Variants in POC1B observed in about 807,000 individuals in gnomAD.
The protein encoded by POC1B is POC1 centriolar protein B.
POC1B carries 44 observed loss-of-function variants against 60.6 expected under a neutral mutation model. The ratio of observed to expected loss-of-function variants is 0.73; its 90% CI spans 0.57 to 0.93. The LOEUF (loss-of-function observed/expected upper bound fraction) is 0.93, where lower values mean the gene tolerates loss of function less well. POC1B is among the 40% of genes least tolerant of loss of function. The pLI, the probability that POC1B is intolerant of heterozygous loss-of-function variation, is 0.00. For synonymous variants in POC1B, 180 were observed against 198.9 expected (o/e 0.90, Z 0.80); for missense variants, 555 against 572.3 (o/e 0.97, Z 0.31).
chr12:89,450,472 T>C (rs950590169), intron 10 of POC1B, among the ~76,000 whole-genome samples: 3 of 152,076 alleles, frequency 2.0e-5, no homozygotes, highest in African/African-American at 7.2e-5. Flanking sequence ...TCCCAAAGTG[T>C]TGGGATTACA....
chr12:89,522,696 C>T, intron 2 of POC1B: 1 of 1,359,096 alleles, frequency 7.4e-7, no homozygotes, highest in Non-Finnish European at 9.8e-7. Context: ...TCCAGTGCTC[C>T]ACAGATGACT....
At chr12:89,403,426 A>C in the POC1B span, among the ~76,000 whole-genome samples, 2 of 152,178 alleles carry the variant, frequency 1.3e-5, no homozygotes, top group Non-Finnish European at 2.9e-5. Context: ...CCCTCAAGGT[A>C]AACTGAGTTT....
intron 10 of POC1B, among the ~76,000 whole-genome samples, chr12:89,450,293 T>C (rs968266073): frequency 2.0e-5 from 3 of 151,994 alleles, no homozygotes; most frequent in African/African-American, 4.8e-5. Context: ...CTGCAACCTA[T>C]GCCTCTAGGG....
chr12:89,522,443 C>A (rs1028936677), intron 2 of POC1B: 2 of 360,480 alleles, frequency 5.5e-6, no homozygotes, highest in Non-Finnish European at 4.9e-6. Flanking sequence ...GTGGGATGTG[C>A]GGTGAACTTA....
intron 10 of POC1B, among the ~76,000 whole-genome samples, chr12:89,440,642 A>G (rs1247141902): frequency 6.6e-6 from 1 of 152,358 alleles, no homozygotes; most frequent in South Asian, 2.1e-4. Context: ...ATACAGAATT[A>G]GAGGAGAGTA....
chr12:89,412,586 G>T, the POC1B span, among the ~76,000 whole-genome samples: 1,374 of 151,048 alleles, frequency 9.1e-3, 31 homozygotes, highest in African/African-American at 0.032. Context: ...TGAGGCAGAA[G>T]AATCCGCTTG....
At chr12:89,486,742 G>A (rs938669506) in intron 4 of POC1B, among the ~76,000 whole-genome samples, 14 of 152,172 alleles carry the variant, frequency 9.2e-5, no homozygotes, top group Admixed American at 2.6e-4. Context: ...CAGCAGCTGC[G>A]TTGAGGATGG....
chr12:89,471,768 C>CA, intron 5 of POC1B, 39 bp from the exon 6 acceptor site: 1 of 819,866 alleles, frequency 1.2e-6, no homozygotes, highest in Non-Finnish European at 1.8e-6. Flanking sequence ...ATTTCAATTT[C>CA]TTTTTTTTTT....
In POC1B at chr12:89,425,399, G is replaced by A; in HGVS notation, c.1114-20C>T. 6.3e-7 allele frequency: 1 copy of A among 1,579,978 alleles called. No homozygotes were observed. The highest frequency in any genetic ancestry group is 1.2e-5 in the South Asian group (1 of 86,870). ...TGTTGTCTTTAATGTCACAGAAAAT[G>A]TAGGAAGAGTTATATTTTCCAAACT... is the stretch of plus-strand genomic sequence containing the variant. On this transcript the variant is annotated intron_variant, in intron 10 of 11. Transcript: ENST00000313546.
chr12:89,408,114 A>G, the POC1B span, among the ~76,000 whole-genome samples: 1 of 152,126 alleles, frequency 6.6e-6, no homozygotes, highest in Admixed American at 6.6e-5. Context: ...AGCTTCATCC[A>G]TGTCCCTCCA....
chr12:89,452,184 C>G (rs908143291), intron 10 of POC1B, among the ~76,000 whole-genome samples: 2 of 152,122 alleles, frequency 1.3e-5, no homozygotes, highest in African/African-American at 4.8e-5. Flanking sequence ...GCTGTGGGAA[C>G]TGGGGATGCA....
At chr12:89,412,079 G>T in the POC1B span, among the ~76,000 whole-genome samples, 3 of 152,206 alleles carry the variant, frequency 2.0e-5, no homozygotes, top group Non-Finnish European at 2.9e-5. Flanking sequence ...TTCCTCTGGG[G>T]ATTAAGCAGG....
chr12:89,469,617 C>CA (rs1163849161), intron 7 of POC1B, among the ~76,000 whole-genome samples: 2 of 152,108 alleles, frequency 1.3e-5, no homozygotes, highest in Non-Finnish European at 2.9e-5. Flanking sequence ...TGTGCTTACC[C>CA]AATTTCTCCT....
intron 10 of POC1B, among the ~76,000 whole-genome samples, chr12:89,441,964 G>A (rs1439348585): frequency 1.3e-5 from 2 of 152,190 alleles, no homozygotes; most frequent in African/African-American, 4.8e-5. Flanking sequence ...TGTGACGCAC[G>A]CACAAGCTTC....
chr12:89,501,942 C>G (rs4842489), intron 2 of POC1B: 800,066 of 1,054,726 alleles, frequency 0.76, 304,335 homozygotes, highest in Middle Eastern at 0.84. Context: ...CCAGTTGTTT[C>G]CTGAGTGAGC....
At chr12:89,515,717 C>T (rs1353600297) in intron 2 of POC1B, among the ~76,000 whole-genome samples, 2 of 152,146 alleles carry the variant, frequency 1.3e-5, no homozygotes, top group African/African-American at 4.8e-5. Context: ...TCTCTGATTG[C>T]AACCCACAGG....
chr12:89,428,923 G>GA (rs1353969556), intron 10 of POC1B: 1 of 151,746 alleles, frequency 6.6e-6, no homozygotes, highest in Non-Finnish European at 1.5e-5. Flanking sequence ...CAGTTTTTTT[G>GA]AAAAAATATG....
At chr12:89,524,147 G>T in intron 2 of POC1B, 1 of 1,614,002 alleles carries the variant, frequency 6.2e-7, no homozygotes, top group Non-Finnish European at 8.5e-7. Flanking sequence ...GAGGTGGTAG[G>T]AAGTGTCCTA....
intron 10 of POC1B, among the ~76,000 whole-genome samples, chr12:89,446,060 T>C (rs1266674274): frequency 1.3e-5 from 2 of 152,160 alleles, no homozygotes; most frequent in Non-Finnish European, 2.9e-5. Context: ...TGAGATACCA[T>C]CTCACACCAG....
Sources: allele counts gnomAD v4.1 joint callset (sites outside exome capture counted in the v4.1 genomes callset), GRCh38; gene constraint gnomAD v4.1.1; transcripts MANE v1.5; gene names NCBI Gene and HGNC (gene_info 2026-07-23, HGNC 2026-07-21).